MAN1A2: variants seen among roughly 807,000 people sequenced by gnomAD.
The protein encoded by MAN1A2 is mannosyl-oligosaccharide 1,2-alpha-mannosidase IB.
In MAN1A2, 26 loss-of-function variants were observed where a neutral mutation model predicts 75.7. The ratio of observed to expected loss-of-function variants is 0.34; its 90% CI spans 0.25 to 0.48. The LOEUF (loss-of-function observed/expected upper bound fraction) is 0.48. Among genes scored for constraint, MAN1A2 ranks in the 20% least tolerant of loss-of-function variants. MAN1A2 has a pLI of 0.99. For missense variants in MAN1A2, 562 were observed against 775.5 expected, an observed-to-expected ratio of 0.72 and a Z score of 3.27; for synonymous variants, 247 against 264.6, an observed-to-expected ratio of 0.93 and a Z score of 0.65.
At chr1:117,474,894 C>A (rs1269127700) in intron 8 of MAN1A2, among the ~76,000 whole-genome samples, 1 of 151,916 alleles carries the variant, frequency 6.6e-6, no homozygotes, top group African/African-American at 2.4e-5. Context: ...GATCTGCTTT[C>A]TGTCATTAAA....
chr1:117,462,631 G>A (rs1177805775), intron 7 of MAN1A2, among the ~76,000 whole-genome samples: 4 of 152,142 alleles, frequency 2.6e-5, no homozygotes, highest in Non-Finnish European at 4.4e-5. Flanking sequence ...GTTGACACGA[G>A]TAAAGCTTCT....
intron 8 of MAN1A2, among the ~76,000 whole-genome samples, chr1:117,482,512 G>A (rs1391002924): frequency 6.6e-6 from 1 of 151,812 alleles, no homozygotes; most frequent in Admixed American, 6.6e-5. Flanking sequence ...TGCATATACA[G>A]ACATATATAT....
intron 1 of MAN1A2, among the ~76,000 whole-genome samples, chr1:117,401,616 C>G (rs1451236093): frequency 6.6e-6 from 1 of 152,128 alleles, no homozygotes; most frequent in Non-Finnish European, 1.5e-5. Flanking sequence ...GATACAGATT[C>G]ATGGGTTTCA....
At chr1:117,396,392 G>C (rs908828964) in intron 1 of MAN1A2, among the ~76,000 whole-genome samples, 1 of 152,138 alleles carries the variant, frequency 6.6e-6, no homozygotes, top group Non-Finnish European at 1.5e-5. Flanking sequence ...GAAGATACAA[G>C]ACACTGATGA....
At chr1:117,387,478 C>T (rs901003651) in intron 1 of MAN1A2, among the ~76,000 whole-genome samples, 9 of 152,108 alleles carry the variant, frequency 5.9e-5, no homozygotes, top group Non-Finnish European at 8.8e-5. Context: ...GAGGATAAAC[C>T]GCATAAGCTA....
chr1:117,372,214 C>A (rs1652986158), intron 1 of MAN1A2, among the ~76,000 whole-genome samples: 1 of 151,978 alleles, frequency 6.6e-6, no homozygotes, highest in Non-Finnish European at 1.5e-5. Flanking sequence ...GGGGCTGGGT[C>A]ACAGAGGATA....
intron 5 of MAN1A2, among the ~76,000 whole-genome samples, chr1:117,423,708 A>T (rs1457641407): frequency 6.6e-6 from 1 of 152,114 alleles, no homozygotes; most frequent in African/African-American, 2.4e-5. Context: ...TTGTCTCAGG[A>T]CATTTTGTTT....
At chr1:117,458,802 G>T (rs777350590) in intron 6 of MAN1A2, among the ~76,000 whole-genome samples, 3 of 151,846 alleles carry the variant, frequency 2.0e-5, no homozygotes, top group Admixed American at 2.0e-4. Context: ...GGGATTACTG[G>T]CGTGAGCCAC....
At chr1:117,420,044 C>T (rs1299957809) in intron 4 of MAN1A2, among the ~76,000 whole-genome samples, 1 of 151,558 alleles carries the variant, frequency 6.6e-6, no homozygotes, top group Non-Finnish European at 1.5e-5. Flanking sequence ...AATTTCTTAC[C>T]CAGGAGGCAA....
intron 5 of MAN1A2, among the ~76,000 whole-genome samples, chr1:117,431,477 TGTA>T (rs1237164838): frequency 6.6e-6 from 1 of 152,110 alleles, no homozygotes; most frequent in Non-Finnish European, 1.5e-5. Context: ...TCAAAGATGA[TGTA>T]GAAGTCCCGA....
intron 5 of MAN1A2, among the ~76,000 whole-genome samples, chr1:117,430,013 C>G (rs868851616): frequency 2.3e-5 from 1 of 43,056 alleles, no homozygotes; most frequent in African/African-American, 1.0e-4. Flanking sequence ...CCGGACAGGG[C>G]GGCTGGCCGG....
Position 117,384,273 on chromosome 1 carries a change from G to T in MAN1A2, c.302+15788G>T, listed in dbSNP as rs142975203. On this transcript the variant is annotated intron_variant, in intron 1 of 12. Coordinates refer to ENST00000356554, the MANE Select transcript of MAN1A2 (RefSeq NM_006699.5). ...TTACTACTATTAATTTTCCTCTGAG[G>T]ATTGCTTTTGCTGCATCCCATAAGT... is the stretch of plus-strand genomic sequence containing the variant. Among the ~76,000 whole-genome samples, 506 of 152,144 alleles carry T rather than the reference G, an allele frequency of 3.3e-3. 4 individuals are homozygous for T. The highest frequency in any genetic ancestry group is 0.011 in the African/African-American group (476 of 41,542).
chr1:117,419,553 C>T (rs1230220351), intron 4 of MAN1A2, among the ~76,000 whole-genome samples: 3 of 151,982 alleles, frequency 2.0e-5, no homozygotes, highest in Non-Finnish European at 2.9e-5. Flanking sequence ...AGATGATGTG[C>T]CTGCCTATGA....
intron 1 of MAN1A2, among the ~76,000 whole-genome samples, chr1:117,384,377 G>A (rs1281877916): frequency 6.6e-6 from 1 of 152,090 alleles, no homozygotes; most frequent in African/African-American, 2.4e-5. Context: ...GGTTAAGAGT[G>A]TGTTGTTTAA....
At position 117,392,084 on chromosome 1, in the gene MAN1A2, C is replaced by G. The variant is rs1653739326; in HGVS notation, c.303-10102C>G. On this transcript the variant is annotated intron_variant, in intron 1 of 12. Transcript: ENST00000356554. The stretch of plus-strand genomic sequence containing the variant: ...CAGCCTTATATCCCCTCCCTTTCTA[C>G]TCCCACCTTGCCTCAAGTCAATCCT... Among the ~76,000 whole-genome samples the G allele has an allele frequency of 1.3e-5, 2 of 152,116 alleles. 1 individual carries two copies. Among genetic ancestry groups the G allele is most frequent in the Admixed American group, 1.3e-4 (2 of 15,258 alleles).
chr1:117,422,761 T>C (rs566233567), intron 5 of MAN1A2, among the ~76,000 whole-genome samples: 1 of 152,202 alleles, frequency 6.6e-6, no homozygotes, highest in East Asian at 1.9e-4. Flanking sequence ...TAAAAATTTT[T>C]GTTTTTTTTG....
intron 11 of MAN1A2, among the ~76,000 whole-genome samples, chr1:117,502,438 T>G (rs979929952): frequency 2.6e-5 from 4 of 151,726 alleles, no homozygotes; most frequent in Non-Finnish European, 5.9e-5. Context: ...GTAATATTTT[T>G]TAGCATGTTG....
At chr1:117,412,168 C>T (rs535119245) in intron 3 of MAN1A2, among the ~76,000 whole-genome samples, 1 of 151,742 alleles carries the variant, frequency 6.6e-6, no homozygotes, top group Admixed American at 6.6e-5. Flanking sequence ...ATTTTGATAG[C>T]GGGTAGCTCT....
intron 6 of MAN1A2, among the ~76,000 whole-genome samples, chr1:117,458,544 A>G (rs1215107466): frequency 1.0e-5 from 1 of 98,390 alleles, no homozygotes; most frequent in Non-Finnish European, 2.2e-5. Context: ...TTTTTTTGAG[A>G]CAGAGTTTCG....
Sources: allele counts gnomAD v4.1 joint callset (sites outside exome capture counted in the v4.1 genomes callset), GRCh38; gene constraint gnomAD v4.1.1; transcripts MANE v1.5; gene names NCBI Gene and HGNC (gene_info 2026-07-23, HGNC 2026-07-21).